The following RBPJ variants were observed in gnomAD, a reference collection of about 807,000 sequenced individuals.
RBPJ encodes recombination signal binding protein for immunoglobulin kappa J region, also known as recombining binding protein suppressor of hairless.
In RBPJ, 9 loss-of-function variants were observed where a neutral mutation model predicts 67.8. The ratio of observed to expected loss-of-function variants is 0.13; its 90% CI spans 0.08 to 0.23. The LOEUF (loss-of-function observed/expected upper bound fraction) is 0.23, where lower values mean the gene tolerates loss of function less well. Ranked by LOEUF, RBPJ falls within the 10% of genes least tolerant of loss-of-function variation. The probability of loss-of-function intolerance (pLI) is 1.00; values close to 1 mark genes in which losing one functional copy is unlikely to be tolerated. For synonymous variants in RBPJ, 198 were observed against 203.3 expected, an observed-to-expected ratio of 0.97 and a Z score of 0.22; for missense variants, 305 against 595.6, an observed-to-expected ratio of 0.51 and a Z score of 5.08.
In RBPJ at chr4:26,181,008, T is replaced by C. The variant is rs367720592; in HGVS notation, c.-167+17394T>C. Among the ~76,000 whole-genome samples the C allele has an allele frequency of 7.2e-5, 11 of 152,294 alleles. No individual in the cohort carries two copies. In the East Asian group the frequency reaches 1.2e-3, roughly 16 times the overall value. ...ATAAAGGGCAGTTCCTCTGCACATG[T>C]TCTTTTGCCTGCCACCATGTAAGAC... is the stretch of plus-strand genomic sequence containing the variant. On this transcript the variant is annotated intron_variant, in intron 1 of 4. Transcript: ENST00000512351.
chr4:26,292,212 T>C (rs1267074577), intron 1 of RBPJ, among the ~76,000 whole-genome samples: 1 of 150,046 alleles, frequency 6.7e-6, no homozygotes, highest in Non-Finnish European at 1.5e-5. Context: ...TTGACCAACA[T>C]CTTTCCATTT....
intron 1 of RBPJ, among the ~76,000 whole-genome samples, chr4:26,332,615 G>C (rs1021166079): frequency 3.3e-5 from 5 of 152,082 alleles, no homozygotes; most frequent in African/African-American, 1.2e-4. Context: ...TATTTTTCTT[G>C]TTGGAAAAGT....
At chr4:26,169,034 G>A (rs1176917175) in intron 1 of RBPJ, among the ~76,000 whole-genome samples, 3 of 152,192 alleles carry the variant, frequency 2.0e-5, no homozygotes, top group African/African-American at 7.2e-5. Flanking sequence ...CTGTAGCTCG[G>A]AGTAGTTTGA....
intron 2 of RBPJ, among the ~76,000 whole-genome samples, chr4:26,392,151 C>A (rs560450672): frequency 3.9e-5 from 6 of 152,268 alleles, no homozygotes; most frequent in African/African-American, 1.2e-4. Context: ...ATACTGTATA[C>A]CTGTTAAAAT....
intron 2 of RBPJ, among the ~76,000 whole-genome samples, chr4:26,390,624 C>T (rs1385820671): frequency 1.3e-5 from 2 of 152,152 alleles, no homozygotes; most frequent in Non-Finnish European, 2.9e-5. Flanking sequence ...GAAAGCAATA[C>T]AATTTACACA....
At chr4:26,191,971 A>G (rs534134649) in intron 1 of RBPJ, among the ~76,000 whole-genome samples, 5 of 151,176 alleles carry the variant, frequency 3.3e-5, no homozygotes, top group Admixed American at 3.3e-4. Flanking sequence ...TCCACAAACC[A>G]CTATCCTGAC....
At chr4:26,306,437 G>T (rs1011186936) in intron 1 of RBPJ, among the ~76,000 whole-genome samples, 16 of 131,706 alleles carry the variant, frequency 1.2e-4, no homozygotes, top group African/African-American at 5.0e-4. Context: ...TTTATTTGGA[G>T]AATTATTATT....
At chr4:26,121,647 A>G in the RBPJ span, among the ~76,000 whole-genome samples, 1 of 151,934 alleles carries the variant, frequency 6.6e-6, no homozygotes, top group East Asian at 1.9e-4. Context: ...AGACGTAATT[A>G]CTCTGTAAAT....
At chr4:26,121,919 T>C in the RBPJ span, among the ~76,000 whole-genome samples, 2 of 151,452 alleles carry the variant, frequency 1.3e-5, no homozygotes, top group African/African-American at 4.9e-5. Flanking sequence ...GTGTCCTCTT[T>C]TTTCTTTTTA....
chr4:26,139,937 T>TCATGAGAGGG, the RBPJ span, among the ~76,000 whole-genome samples: 1 of 152,214 alleles, frequency 6.6e-6, no homozygotes, highest in Non-Finnish European at 1.5e-5. Flanking sequence ...GTTCTCTGGC[T>TCATGAGAGGG]GTAGGTCATG....
chr4:26,242,521 AC>A (rs1415153277), intron 1 of RBPJ, among the ~76,000 whole-genome samples: 1 of 151,888 alleles, frequency 6.6e-6, no homozygotes, highest in Non-Finnish European at 1.5e-5. Flanking sequence ...AACCACTAAG[AC>A]CCTTTGAGGT....
At chr4:26,187,971 G>A (rs1717333730) in intron 1 of RBPJ, among the ~76,000 whole-genome samples, 1 of 152,176 alleles carries the variant, frequency 6.6e-6, no homozygotes. Context: ...AGGCTGCAGT[G>A]AGCCAAGATC....
intron 1 of RBPJ, among the ~76,000 whole-genome samples, chr4:26,177,397 G>A (rs566251277): frequency 6.6e-6 from 1 of 152,290 alleles, no homozygotes; most frequent in South Asian, 2.1e-4. Flanking sequence ...GCAACATGGT[G>A]AAACCCCATC....
intron 1 of RBPJ, among the ~76,000 whole-genome samples, chr4:26,192,039 C>T (rs1462564000): frequency 6.8e-6 from 1 of 146,856 alleles, no homozygotes; most frequent in African/African-American, 2.5e-5. Context: ...GGCAGAGTCT[C>T]ACTCTGTTGC....
At chr4:26,185,528 T>C (rs1335750587) in intron 1 of RBPJ, among the ~76,000 whole-genome samples, 1 of 152,222 alleles carries the variant, frequency 6.6e-6, no homozygotes, top group Non-Finnish European at 1.5e-5. Context: ...TGGGGATGGT[T>C]TGATGCTTTC....
At chr4:26,341,606 T>G (rs1049280949) in intron 1 of RBPJ, among the ~76,000 whole-genome samples, 2 of 149,086 alleles carry the variant, frequency 1.3e-5, no homozygotes, top group African/African-American at 4.9e-5. Context: ...AGAGTGAGAC[T>G]CCATCTCAAA....
intron 1 of RBPJ, among the ~76,000 whole-genome samples, chr4:26,305,224 T>A (rs1203561858): frequency 6.6e-6 from 1 of 152,220 alleles, no homozygotes; most frequent in Non-Finnish European, 1.5e-5. Flanking sequence ...CACCACACAG[T>A]CTTGATTACT....
At chr4:26,131,069 C>T in the RBPJ span, among the ~76,000 whole-genome samples, 6 of 152,246 alleles carry the variant, frequency 3.9e-5, no homozygotes, top group African/African-American at 7.2e-5. Flanking sequence ...ATCCAAGCTA[C>T]GGTCTAGTCT....
At chr4:26,124,481 C>A in the RBPJ span, among the ~76,000 whole-genome samples, 1 of 123,206 alleles carries the variant, frequency 8.1e-6, no homozygotes, top group African/African-American at 3.1e-5. Flanking sequence ...TTTATCCACT[C>A]GTTGATTAAT....
Sources: gnomAD v4.1 joint callset for allele counts (sites outside exome capture counted in the v4.1 genomes callset) on GRCh38, gnomAD v4.1.1 for gene constraint, MANE v1.5 for transcripts, NCBI Gene and HGNC (gene_info 2026-07-23, HGNC 2026-07-21) for gene names.